NCOR2: variants seen among roughly 807,000 people sequenced by gnomAD.
NCOR2 encodes CTG repeat protein 26.
A neutral mutation model predicts 262.9 loss-of-function variants in NCOR2; 81 were observed. The ratio of observed to expected loss-of-function variants is 0.31; its 90% CI spans 0.26 to 0.37. The LOEUF (loss-of-function observed/expected upper bound fraction) is 0.37. Ranked by LOEUF, NCOR2 falls within the 10% of genes least tolerant of loss-of-function variation. NCOR2 has a pLI of 1.00. For synonymous variants in NCOR2, 1,659 were observed against 1,559.3 expected, an observed-to-expected ratio of 1.06 and a Z score of -1.51; for missense variants, 3,385 against 3,621.4, an observed-to-expected ratio of 0.93 and a Z score of 1.68.
Position 124,531,113 on chromosome 12 carries a change from C to A in NCOR2, c.-118+4452G>T, listed in dbSNP as rs2050749704. 6.6e-6 allele frequency among the ~76,000 whole-genome samples: 1 copy of A among 152,152 alleles called. No homozygotes were observed. The highest frequency in any genetic ancestry group is 1.5e-5 in the Non-Finnish European group (1 of 68,030). ...ATGGGGCCCTGTGGGGATGGCTGGC[C>A]CTGAGGACAACACAGGCACATGAGA... On this transcript the variant is annotated intron_variant, in intron 1 of 46. Coordinates refer to the NCOR2 transcript ENST00000404621. The surrounding 1 kb of genome is among the most constrained non-coding windows in gnomAD (Gnocchi z 4.5).
intron 12 of NCOR2, among the ~76,000 whole-genome samples, chr12:124,421,407 G>A (rs1430222758): frequency 1.3e-5 from 2 of 152,198 alleles, no homozygotes; most frequent in African/African-American, 4.8e-5. Flanking sequence ...AGAGTCCGCC[G>A]TGCCGTCCAC....
At chr12:124,395,940 A>G (rs904752240) in intron 16 of NCOR2, among the ~76,000 whole-genome samples, 5 of 152,218 alleles carry the variant, frequency 3.3e-5, no homozygotes, top group African/African-American at 9.7e-5. Flanking sequence ...AGCCACATGG[A>G]AACAACCCAC....
intron 16 of NCOR2, chr12:124,388,867 A>G (rs2041037782): frequency 2.9e-4 from 2 of 6,844 alleles, no homozygotes; most frequent in Non-Finnish European, 5.8e-4. Flanking sequence ...TCCCACGGTG[A>G]GGGAGGGAGG....
At chr12:124,361,910 T>C (rs2038618283) in intron 22 of NCOR2, among the ~76,000 whole-genome samples, 1 of 152,256 alleles carries the variant, frequency 6.6e-6, no homozygotes, top group Non-Finnish European at 1.5e-5. Flanking sequence ...CCAAGGCCAA[T>C]ACGTGCCCAC....
chr12:124,441,632 C>A (rs1006654944), intron 7 of NCOR2, among the ~76,000 whole-genome samples: 1 of 152,240 alleles, frequency 6.6e-6, no homozygotes, highest in African/African-American at 2.4e-5. Flanking sequence ...CAAAGAATCT[C>A]CCCGCAAGTA....
At chr12:124,371,843 G>A (rs1015883033) in intron 20 of NCOR2, among the ~76,000 whole-genome samples, 179 bp downstream of exon 22, 9 of 152,050 alleles carry the variant, frequency 5.9e-5, no homozygotes, top group Admixed American at 2.0e-4. Flanking sequence ...CCACACCTCC[G>A]CCCCTTCCTG....
At chr12:124,403,060 G>A (rs777652147) in intron 13 of NCOR2, among the ~76,000 whole-genome samples, 61 of 152,112 alleles carry the variant, frequency 4.0e-4, no homozygotes, top group Non-Finnish European at 6.9e-4. Flanking sequence ...GGTGAGCCTC[G>A]GCAGGGGTGC....
rs757779305 is a variant in NCOR2, at chr12:124,325,382, C to CCCCT, written c.*19_*20insAGGG. 1.5e-4 allele frequency: 61 copies of CCCCT among 412,908 alleles called. 4 individuals carry two copies. The highest frequency in any genetic ancestry group is 4.4e-4 in the African/African-American group (16 of 36,116). 25.6% of individuals were successfully genotyped at this position (412,908 alleles called of 1,614,324 possible). Reference sequence around the variant, plus strand: ...GCTCGCTGGGACCTGACACCGCCCCCCCCCCCGCCCTGTTCTGAGTCACTC... The same window carrying CCCCT: ...GCTCGCTGGGACCTGACACCGCCCCCCCCTCCCCCCGCCCTGTTCTGAGTCACTC... On this transcript the variant is annotated 3_prime_UTR_variant, in exon 47 of 47. Transcript: ENST00000405201.
In NCOR2 at chr12:124,333,278, A is replaced by T. The variant is rs200130270; in HGVS notation, c.6607T>A (p.Ser2203Thr). 2.7e-5 allele frequency: 43 copies of T among 1,599,694 alleles called. No individual in the cohort carries two copies. In the Admixed American group the frequency reaches 3.1e-4, roughly 11 times the overall value. ...ACCGACGTCTTGTTTGGCTCTGGAGACCTGGATGGAGAAAGGGCCCCAGAT... is the reference window on the plus strand; with the variant it reads ...ACCGACGTCTTGTTTGGCTCTGGAGTCCTGGATGGAGAAAGGGCCCCAGAT... Residue 2203 changes from serine (S) to threonine (T), a missense_variant and splice_region_variant, in exon 42 of 47, where the codon TCT becomes ACT. Ser to Thr is a moderately conservative substitution (Grantham distance 58). Coordinates refer to ENST00000405201, the Ensembl canonical transcript of NCOR2.
chr12:124,391,697 C>T (rs937202234), intron 16 of NCOR2, among the ~76,000 whole-genome samples: 9 of 152,194 alleles, frequency 5.9e-5, no homozygotes, highest in South Asian at 2.1e-4. Context: ...AAATCAGCCT[C>T]GCTATCTGCC....
rs1353981166 is a variant in NCOR2, at chr12:124,332,302, G to A, written c.6904+17C>T. On this transcript the variant is annotated intron_variant, in intron 43 of 46. Coordinates refer to ENST00000405201, the Ensembl canonical transcript of NCOR2. ...CCTGTGGCCCCATGCTTCCCCGGGAGCCTGCAGGCCCCTTACTGTATTCAG... is the reference window on the plus strand; with the variant it reads ...CCTGTGGCCCCATGCTTCCCCGGGAACCTGCAGGCCCCTTACTGTATTCAG... The A allele has an allele frequency of 1.9e-6, 3 of 1,613,554 alleles. No homozygotes were observed. Among genetic ancestry groups the A allele is most frequent in the South Asian group, 2.2e-5 (2 of 91,070 alleles).
At position 124,478,748 on chromosome 12, in the gene NCOR2, G is replaced by A. The variant is rs573927236; in HGVS notation, c.411+4848C>T. Among the ~76,000 whole-genome samples, 7 of 152,118 alleles carry A rather than the reference G, an allele frequency of 4.6e-5. No individual in the cohort carries two copies. In the East Asian group the frequency reaches 5.8e-4, roughly 13 times the overall value. ...AGAGACGAAGACAGACAGACAGATC[G>A]AGAAACAGAAATGGACATAGATGAA... is the stretch of plus-strand genomic sequence containing the variant. On this transcript the variant is annotated intron_variant, in intron 3 of 46. Transcript: ENST00000405201.
intron 13 of NCOR2, among the ~76,000 whole-genome samples, chr12:124,410,334 T>A (rs1262516059): frequency 6.6e-6 from 1 of 150,816 alleles, no homozygotes; most frequent in African/African-American, 2.4e-5. Flanking sequence ...CCCGGTCTGC[T>A]CCATCCCTGG....
intron 7 of NCOR2, among the ~76,000 whole-genome samples, chr12:124,439,389 C>A (rs2136428547): frequency 6.8e-6 from 1 of 146,440 alleles, no homozygotes; most frequent in East Asian, 2.0e-4. Flanking sequence ...AGACAGAGAC[C>A]CAGAGACAGA....
At chr12:124,546,332 A>G (rs1452247210) in intron 1 of NCOR2, among the ~76,000 whole-genome samples, 1 of 152,236 alleles carries the variant, frequency 6.6e-6, no homozygotes, top group African/African-American at 2.4e-5. Flanking sequence ...TAGCCACGGC[A>G]GCTTTCCACA....
intron 17 of NCOR2, among the ~76,000 whole-genome samples, chr12:124,385,364 C>T (rs2040724312): frequency 6.6e-6 from 1 of 152,204 alleles, no homozygotes; most frequent in Non-Finnish European, 1.5e-5. Context: ...ACCCATTTGC[C>T]TCCGGGTCCT....
At chr12:124,480,555 G>A (rs958769808) in intron 3 of NCOR2, among the ~76,000 whole-genome samples, 1 of 152,174 alleles carries the variant, frequency 6.6e-6, no homozygotes, top group African/African-American at 2.4e-5. Context: ...CAAACCACAG[G>A]TGCTTAATCT....
intron 22 of NCOR2, among the ~76,000 whole-genome samples, chr12:124,358,962 A>G (rs2038258663): frequency 6.6e-6 from 1 of 152,274 alleles, no homozygotes; most frequent in Non-Finnish European, 1.5e-5. Flanking sequence ...AGTGGCAGAT[A>G]GCGGCTTCGA....
intron 18 of NCOR2, among the ~76,000 whole-genome samples, chr12:124,374,964 C>T (rs2039873290): frequency 6.6e-6 from 1 of 152,210 alleles, no homozygotes; most frequent in Non-Finnish European, 1.5e-5. Context: ...AGAGCAGAGG[C>T]CACCCTTTTT....
Sources: gnomAD v4.1 joint callset for allele counts (sites outside exome capture counted in the v4.1 genomes callset) on GRCh38, gnomAD v4.1.1 for gene constraint, Gnocchi (gnomAD v3.1) non-coding constraint, MANE v1.5 for transcripts, NCBI Gene and HGNC (gene_info 2026-07-23, HGNC 2026-07-21) for gene names.